The following SAE1 variants were observed in gnomAD, a reference collection of about 807,000 sequenced individuals.
SAE1 encodes SUMO1 activating enzyme subunit 1.
SAE1 carries 11 observed loss-of-function variants against 40.6 expected under a neutral mutation model. That is an observed-to-expected ratio of 0.27 (90% confidence interval 0.17 to 0.45). The LOEUF (loss-of-function observed/expected upper bound fraction) is 0.45. Among genes scored for constraint, SAE1 ranks in the 20% least tolerant of loss-of-function variants. SAE1 has a pLI of 1.00. For missense variants in SAE1, 373 were observed against 427.3 expected (o/e 0.87, Z 1.12); for synonymous variants, 155 against 154.3 (o/e 1.00, Z -0.03).
intron 6 of SAE1, chr19:47,180,089 G>A (rs765699350): frequency 1.4e-5 from 6 of 434,424 alleles, no homozygotes; most frequent in South Asian, 4.8e-5. Flanking sequence ...ATACGTAGAT[G>A]TAGTAATAGA....
chr19:47,182,861 T>C (rs569485144), intron 6 of SAE1, among the ~76,000 whole-genome samples: 4 of 152,006 alleles, frequency 2.6e-5, no homozygotes, highest in African/African-American at 4.8e-5. Context: ...AGTGGGAGGA[T>C]TGCTTGAGGC....
chr19:47,199,309 C>T (rs1296471413), intron 7 of SAE1, among the ~76,000 whole-genome samples: 9 of 141,718 alleles, frequency 6.4e-5, no homozygotes, highest in Admixed American at 3.0e-4. Context: ...GGCGTGAACC[C>T]GGGAGGCAGA....
intron 4 of SAE1, among the ~76,000 whole-genome samples, chr19:47,153,463 T>A (rs922169979): frequency 8.5e-5 from 13 of 152,144 alleles, no homozygotes; most frequent in Non-Finnish European, 1.5e-4. Context: ...GACTTTGTAG[T>A]CTCTAGGTGA....
chr19:47,184,777 G>GT (rs986872273), intron 6 of SAE1, among the ~76,000 whole-genome samples: 56 of 149,626 alleles, frequency 3.7e-4, no homozygotes, highest in Non-Finnish European at 5.6e-4. Flanking sequence ...TGGTTGTGGG[G>GT]TTTTTTTTGT....
intron 8 of SAE1, among the ~76,000 whole-genome samples, chr19:47,206,317 C>T (rs753267215): frequency 3.3e-5 from 5 of 152,310 alleles, no homozygotes; most frequent in Non-Finnish European, 7.4e-5. Flanking sequence ...ATCCCCAGTA[C>T]TCCTTCATAC....
chr19:47,193,209 C>G (rs1328142846), intron 6 of SAE1, among the ~76,000 whole-genome samples: 2 of 151,928 alleles, frequency 1.3e-5, no homozygotes, highest in Admixed American at 1.3e-4. Flanking sequence ...AGGCACCCAC[C>G]ACCATGCACG....
In SAE1 at chr19:47,173,988, G is replaced by A. The variant is rs560848121; in HGVS notation, c.733+4065G>A. On this transcript the variant is annotated intron_variant, in intron 6 of 8. Transcript: ENST00000270225. ...TTTAGTAGAGACGGGGTTTCACCGC[G>A]TTAGCCAGGATGGTCTCGAACTCCT... 7.2e-5 allele frequency among the ~76,000 whole-genome samples: 11 copies of A among 151,960 alleles called. 1 individual carries two copies. The highest frequency in any genetic ancestry group is 1.2e-4 in the Non-Finnish European group (8 of 67,944).
At chr19:47,177,528 T>A (rs919080430) in intron 6 of SAE1, among the ~76,000 whole-genome samples, 24 of 152,196 alleles carry the variant, frequency 1.6e-4, no homozygotes, top group African/African-American at 5.3e-4. Context: ...CCAGCTATTT[T>A]AAAAAATCTG....
In SAE1 at chr19:47,153,103, A is replaced by T. The variant is rs553520699; in HGVS notation, c.527+63A>T. 6 of 1,377,038 alleles carry T rather than the reference A, an allele frequency of 4.4e-6. No homozygotes were observed. The African/African-American group carries it at 7.4e-5, about 17-fold the overall frequency. 85.3% of individuals were successfully genotyped at this position (1,377,038 alleles called of 1,614,324 possible). A position where few individuals can be genotyped will look rare whatever the true frequency, so the allele number is the denominator to read the frequency against. On this transcript the variant is annotated intron_variant, in intron 4 of 8. Coordinates refer to ENST00000270225, the MANE Select transcript of SAE1 (RefSeq NM_005500.3). ...CTCCTTTTTATACTTTTTTTTTTTA[A>T]ATTATGTATTTATTTATGTGTAGAG...
intron 5 of SAE1, among the ~76,000 whole-genome samples, chr19:47,167,915 A>G (rs1384311227): frequency 6.6e-6 from 1 of 152,126 alleles, no homozygotes; most frequent in East Asian, 1.9e-4. Flanking sequence ...TTTTCTGGCT[A>G]GGCACAGTGG....
At chr19:47,142,817 G>A (rs2058230160) in intron 1 of SAE1, among the ~76,000 whole-genome samples, 1 of 152,160 alleles carries the variant, frequency 6.6e-6, no homozygotes, top group South Asian at 2.1e-4. Flanking sequence ...AGAAAGGCTT[G>A]TATGATTTCT....
In SAE1 at chr19:47,204,500, AC is replaced by A. The variant is rs35006784; in HGVS notation, c.948+769del. Among the ~76,000 whole-genome samples, 208 of 97,562 alleles carry A rather than the reference AC, an allele frequency of 2.1e-3. 4 individuals are homozygous for A. Among genetic ancestry groups the A allele is most frequent in the African/African-American group, 7.6e-3 (179 of 23,518 alleles). 64.0% of individuals were successfully genotyped at this position (97,562 alleles called of 152,430 possible). ...GGCATGAGCCACTGTACCCAGCCGC[AC>A]CCCCCCCCTTTTTTTTTTTTTTTGA... is the stretch of plus-strand genomic sequence containing the variant. On this transcript the variant is annotated intron_variant, in intron 8 of 8. Transcript: ENST00000270225.
At chr19:47,199,500 C>T (rs142860430) in intron 7 of SAE1, among the ~76,000 whole-genome samples, 187 of 151,968 alleles carry the variant, frequency 1.2e-3, no homozygotes, top group African/African-American at 4.4e-3. Flanking sequence ...GGGAAGGAAC[C>T]ACTTTGGAGA....
chr19:47,203,172 G>T (rs1385267051), intron 7 of SAE1, among the ~76,000 whole-genome samples: 1 of 152,174 alleles, frequency 6.6e-6, no homozygotes, highest in African/African-American at 2.4e-5. Context: ...GCCCAGAAGG[G>T]CTGGTTTCTA....
At position 47,203,701 on chromosome 19, in the gene SAE1, T is replaced by C. The variant is rs2058668004; in HGVS notation, c.909T>C (p.Cys303=). 6.2e-7 allele frequency: 1 copy of C among 1,614,066 alleles called. No homozygotes were observed. The change falls in exon 8 of 9, where the codon TGT becomes TGC. Residue 303 remains cysteine, a synonymous_variant. Transcript: ENST00000270225. ...GCTTCTCCGAGATGGCCCCAGTGTG[T>C]GCGGTGGTTGGAGGGATTTTGGCAC... ...RYCFSEMAPV[C]AVVGGILAQE...
intron 1 of SAE1, among the ~76,000 whole-genome samples, chr19:47,140,703 C>T (rs1215725657): frequency 1.3e-5 from 2 of 151,548 alleles, no homozygotes; most frequent in Non-Finnish European, 2.9e-5. Flanking sequence ...GCCGAGGTGG[C>T]GGGATCACTT....
chr19:47,140,744 C>T (rs190029861), intron 1 of SAE1, among the ~76,000 whole-genome samples: 2 of 152,194 alleles, frequency 1.3e-5, no homozygotes, highest in East Asian at 3.9e-4. Context: ...GCAGCGAGCC[C>T]TGATCTTGCC....
intron 2 of SAE1, among the ~76,000 whole-genome samples, chr19:47,149,863 G>C (rs1263220298): frequency 2.0e-5 from 3 of 151,874 alleles, no homozygotes; most frequent in Admixed American, 6.6e-5. Flanking sequence ...GGATCACGAG[G>C]TCAAGAGATT....
At chr19:47,161,096 G>A (rs1306050181) in intron 5 of SAE1, among the ~76,000 whole-genome samples, 1 of 151,970 alleles carries the variant, frequency 6.6e-6, no homozygotes, top group Non-Finnish European at 1.5e-5. Context: ...TGAACTCCTG[G>A]GCTAAAGGGA....
Sources: allele counts gnomAD v4.1 joint callset (sites outside exome capture counted in the v4.1 genomes callset), GRCh38; gene constraint gnomAD v4.1.1; transcripts MANE v1.5; gene names NCBI Gene and HGNC (gene_info 2026-07-23, HGNC 2026-07-21).